Variants in RPL10A observed in about 807,000 individuals in gnomAD.
The protein encoded by RPL10A is large ribosomal subunit protein uL1.
Under a neutral mutation model 24.6 loss-of-function variants are expected in RPL10A, and 11 were observed. The observed-to-expected ratio is 0.45, with a 90% CI of 0.28 to 0.74. RPL10A has a LOEUF of 0.74. Among genes scored for constraint, RPL10A ranks in the 30% least tolerant of loss-of-function variants. The pLI is 0.13. For missense variants in RPL10A, 136 were observed against 273.1 expected, an observed-to-expected ratio of 0.50 and a Z score of 3.54; for synonymous variants, 98 against 108.5, an observed-to-expected ratio of 0.90 and a Z score of 0.60.
At position 35,470,508 on chromosome 6, in the gene RPL10A, C is replaced by T; in HGVS notation, c.484-72C>T. 1.3e-6 allele frequency: 2 copies of T among 1,530,098 alleles called. No individual in the cohort carries two copies. The highest frequency in any genetic ancestry group is 1.8e-6 in the Non-Finnish European group (2 of 1,116,656). 94.8% of individuals were successfully genotyped at this position (1,530,098 alleles called of 1,614,324 possible). On this transcript the variant is annotated intron_variant, in intron 5 of 5. Coordinates refer to ENST00000322203, the MANE Select transcript of RPL10A (RefSeq NM_007104.5). The surrounding 1 kb of genome is among the most constrained non-coding windows in gnomAD (Gnocchi z 4.6). ...GTCCAAGTACCTGCTCACCAGGCCA[C>T]TGGGGGAGGAAGGACAGGCCATCTG...
At chr6:35,469,935 C>G (rs890312255) in intron 4 of RPL10A, among the ~76,000 whole-genome samples, 1 of 152,084 alleles carries the variant, frequency 6.6e-6, no homozygotes, top group Non-Finnish European at 1.5e-5. Flanking sequence ...CGTTGTACAG[C>G]GGTTATGCCA....
chr6:35,469,145 C>T (rs11553984), intron 3 of RPL10A, 118 bp downstream of exon 3: 36,728 of 1,502,398 alleles, frequency 0.024, 592 homozygotes, highest in South Asian at 0.049. Context: ...GTAGTTCAGA[C>T]CCCCTGCTCC....
At chr6:35,469,708 A>G (rs1767985248) in intron 4 of RPL10A, among the ~76,000 whole-genome samples, 179 bp downstream of exon 4, 2 of 152,138 alleles carry the variant, frequency 1.3e-5, no homozygotes, top group African/African-American at 2.4e-5. Flanking sequence ...TTGTATTGCT[A>G]TGAGGATTCC....
At chr6:35,469,587 CT>C in intron 4 of RPL10A, 58 bp downstream of exon 4, 1 of 1,547,150 alleles carries the variant, frequency 6.5e-7, no homozygotes, top group Admixed American at 2.1e-5. Flanking sequence ...GGTAGAAAGG[CT>C]TTTCTGCCAT....
At position 35,470,124 on chromosome 6, in the gene RPL10A, G is replaced by A. The variant is rs1767996843; in HGVS notation, c.311-55G>A. 1.9e-6 allele frequency: 3 copies of A among 1,542,618 alleles called. No homozygotes were observed. Among genetic ancestry groups the A allele is most frequent in the Admixed American group, 1.8e-5 (1 of 56,414 alleles). On this transcript the variant is annotated intron_variant, in intron 4 of 5. Coordinates refer to ENST00000322203, the MANE Select transcript of RPL10A (RefSeq NM_007104.5). The surrounding 1 kb of genome is among the most constrained non-coding windows in gnomAD (Gnocchi z 4.6). ...GCGTTTCTGGCCTGCCACATTTGAG[G>A]TGTGCCTTGGTGACCAGGTTCTAAG... is the stretch of plus-strand genomic sequence containing the variant.
Position 35,469,532 on chromosome 6 carries a change from GA to G in RPL10A, c.310+4del. ...TAAAAAACTGGTCAAGAAGCTGGGT[GA>G]GTCCGGCCGCTGTGGTTTTGCATGT... On this transcript the variant is annotated splice_donor_region_variant and intron_variant, in intron 4 of 5. Transcript: ENST00000322203. 6.2e-7 allele frequency: 1 copy of G among 1,612,152 alleles called. No individual in the cohort carries two copies. The highest frequency in any genetic ancestry group is 8.5e-7 in the Non-Finnish European group (1 of 1,179,256).
In RPL10A at chr6:35,470,600, T is replaced by A; in HGVS notation, c.504T>A (p.Ala168=). The A allele has an allele frequency of 6.2e-7, 1 of 1,613,972 alleles. No individual in the cohort carries two copies. Among genetic ancestry groups the A allele is most frequent in the Non-Finnish European group, 8.5e-7 (1 of 1,179,858 alleles). The change falls in exon 6 of 6, where the codon GCT becomes GCA. Residue 168 remains alanine, a synonymous_variant. Transcript: ENST00000322203. The surrounding 1 kb of genome is among the most constrained non-coding windows in gnomAD (Gnocchi z 4.6). ...CCCAGGTGTTATGTCTGGCTGTAGC[T>A]GTTGGTCACGTGAAGATGACAGACG... is the stretch of plus-strand genomic sequence containing the variant. The part of the protein sequence containing the change: ...QMKKVLCLAV[A]VGHVKMTDDE...
At position 35,469,028 on chromosome 6, in the gene RPL10A, G is replaced by A; in HGVS notation, c.161+1G>A. 1 of 1,611,994 alleles carries A rather than the reference G, an allele frequency of 6.2e-7. No homozygotes were observed. The highest frequency in any genetic ancestry group is 8.5e-7 in the Non-Finnish European group (1 of 1,179,908). Reference sequence around the variant, plus strand: ...ACAAGCGCTTCTCGGGCACCGTCAGGTTGGCACCGTTCTGATCCCACCCAG... The same window carrying A: ...ACAAGCGCTTCTCGGGCACCGTCAGATTGGCACCGTTCTGATCCCACCCAG... On this transcript the variant is annotated splice_donor_variant, in intron 3 of 5. Coordinates refer to ENST00000322203, the MANE Select transcript of RPL10A (RefSeq NM_007104.5). LOFTEE classifies it high-confidence loss of function.
At position 35,470,673 on chromosome 6, in the gene RPL10A, T is replaced by C. The variant is rs779908357; in HGVS notation, c.577T>C (p.Leu193=). 60 of 1,612,514 alleles carry C rather than the reference T, an allele frequency of 3.7e-5. No individual in the cohort carries two copies. Among genetic ancestry groups the C allele is most frequent in the Non-Finnish European group, 4.8e-5 (57 of 1,179,966 alleles). ...CCTGGCTGTCAACTTCTTGGTGTCA[T>C]TGCTCAAGAAAAACTGGCAGAATGT... The part of the protein sequence containing the change: ...IHLAVNFLVS[L]LKKNWQNVRA... The change falls in exon 6 of 6, where the codon TTG becomes CTG. Residue 193 remains leucine (L), a synonymous_variant. Coordinates refer to ENST00000322203, the MANE Select transcript of RPL10A (RefSeq NM_007104.5). This position sits in a 1 kb window ranked among gnomAD's most constrained non-coding sequence, Gnocchi z 4.6.
Position 35,470,622 on chromosome 6 carries a change from G to C in RPL10A, c.526G>C (p.Asp176His). ...AVAVGHVKMT[D>H]DELVYNIHLA... ...AGCTGTTGGTCACGTGAAGATGACA[G>C]ACGATGAGCTTGTGTATAACATTCA... The change falls in exon 6 of 6, where the codon GAC (aspartate) becomes CAC (histidine). Residue 176 changes from aspartate (D) to histidine (H), a missense_variant. By Grantham distance (81) the Asp-to-His change is moderately conservative. Around this residue, in one of 3 missense-constraint regions of RPL10A, gnomAD observed 48 missense variants for 105.9 expected, o/e 0.45. Transcript: ENST00000322203. The surrounding 1 kb of genome is among the most constrained non-coding windows in gnomAD (Gnocchi z 4.6). 1 of 1,613,956 alleles carries C rather than the reference G, an allele frequency of 6.2e-7. No homozygotes were observed. Among genetic ancestry groups the C allele is most frequent in the Non-Finnish European group, 8.5e-7 (1 of 1,179,904 alleles).
At position 35,468,887 on chromosome 6, in the gene RPL10A, C is replaced by G; in HGVS notation, c.80+14C>G. The G allele has an allele frequency of 6.2e-7, 1 of 1,613,206 alleles. No individual in the cohort carries two copies. ...CAAGCGCCGCAAGTGAGTGCCGACC[C>G]TGGGGCACGGCGCGGGTGGCGAGGG... is the stretch of plus-strand genomic sequence containing the variant. On this transcript the variant is annotated intron_variant, in intron 2 of 5. Transcript: ENST00000322203.
chr6:35,470,159 T>A lies in RPL10A; in HGVS notation c.311-20T>A. ...GTGACCAGGTTCTAAGCAATGCCAA[T>A]GGCTTCCTCTCTCTATCAGCCAAGA... On this transcript the variant is annotated intron_variant, in intron 4 of 5. Transcript: ENST00000322203. This position sits in a 1 kb window ranked among gnomAD's most constrained non-coding sequence, Gnocchi z 4.6. 1 of 1,606,766 alleles carries A rather than the reference T, an allele frequency of 6.2e-7. No individual in the cohort carries two copies.
chr6:35,470,441 A>G lies in RPL10A; in HGVS notation c.483+90A>G, dbSNP rs1333621884. Reference sequence around the variant, plus strand: ...TCTAAATATGCCAGTAAGAGCACCCACCAGGATTGAAACTTTTGGAGTAAC... The same window carrying G: ...TCTAAATATGCCAGTAAGAGCACCCGCCAGGATTGAAACTTTTGGAGTAAC... On this transcript the variant is annotated intron_variant, in intron 5 of 5. Transcript: ENST00000322203. This position sits in a 1 kb window ranked among gnomAD's most constrained non-coding sequence, Gnocchi z 4.6. 1 of 1,515,996 alleles carries G rather than the reference A, an allele frequency of 6.6e-7. No individual in the cohort carries two copies. Among genetic ancestry groups the G allele is most frequent in the East Asian group, 2.3e-5 (1 of 44,104 alleles). 93.9% of individuals were successfully genotyped at this position (1,515,996 alleles called of 1,614,324 possible).
At chr6:35,469,677 A>G (rs1015614717) in intron 4 of RPL10A, 148 bp downstream of exon 4, 11 of 932,176 alleles carry the variant, frequency 1.2e-5, no homozygotes, top group South Asian at 3.5e-5. Flanking sequence ...GTGCTGTTTT[A>G]GCTTTGGGGT....
Position 35,470,577 on chromosome 6 carries a change from C to T in RPL10A, c.484-3C>T, listed in dbSNP as rs1354176900. ...GACTTGATCCTCTCTTCCCTCCTCC[C>T]AGGTGTTATGTCTGGCTGTAGCTGT... On this transcript the variant is annotated splice_region_variant and splice_polypyrimidine_tract_variant and intron_variant, in intron 5 of 5. Coordinates refer to ENST00000322203, the MANE Select transcript of RPL10A (RefSeq NM_007104.5). The surrounding 1 kb of genome is among the most constrained non-coding windows in gnomAD (Gnocchi z 4.6). The T allele has an allele frequency of 2.5e-6, 4 of 1,608,582 alleles. No homozygotes were observed. Among genetic ancestry groups the T allele is most frequent in the Non-Finnish European group, 3.4e-6 (4 of 1,175,864 alleles).
In RPL10A at chr6:35,470,609, C is replaced by G. The variant is rs144096254; in HGVS notation, c.513C>G (p.His171Gln). ...TATGTCTGGCTGTAGCTGTTGGTCA[C>G]GTGAAGATGACAGACGATGAGCTTG... is the stretch of plus-strand genomic sequence containing the variant. ...KVLCLAVAVG[H>Q]VKMTDDELVY... Residue 171 changes from histidine to glutamine, a missense_variant, in exon 6 of 6, where the codon CAC becomes CAG. By Grantham distance (24) the His-to-Gln change is conservative (BLOSUM62 0). Coordinates refer to ENST00000322203, the MANE Select transcript of RPL10A (RefSeq NM_007104.5). This position sits in a 1 kb window ranked among gnomAD's most constrained non-coding sequence, Gnocchi z 4.6. 1.2e-6 allele frequency: 2 copies of G among 1,613,912 alleles called. No individual in the cohort carries two copies. Among genetic ancestry groups the G allele is most frequent in the Non-Finnish European group, 8.5e-7 (1 of 1,179,858 alleles).
At position 35,470,450 on chromosome 6, in the gene RPL10A, G is replaced by T; in HGVS notation, c.483+99G>T. ...GCCAGTAAGAGCACCCACCAGGATT[G>T]AAACTTTTGGAGTAACCCTGGTCTT... On this transcript the variant is annotated intron_variant, in intron 5 of 5. Coordinates refer to ENST00000322203, the MANE Select transcript of RPL10A (RefSeq NM_007104.5). The surrounding 1 kb of genome is among the most constrained non-coding windows in gnomAD (Gnocchi z 4.6). The T allele has an allele frequency of 6.6e-7, 1 of 1,504,538 alleles. No individual in the cohort carries two copies. Among genetic ancestry groups the T allele is most frequent in the Non-Finnish European group, 9.0e-7 (1 of 1,108,560 alleles). The allele number at this position is 1,504,538 out of a possible 1,614,324, so 93.2% of individuals were successfully genotyped here. A position where few individuals can be genotyped will look rare whatever the true frequency, so the allele number is the denominator to read the frequency against.
chr6:35,468,746 T>G (rs1038474578), intron 1 of RPL10A, 53 bp from the exon 2 acceptor site: 7 of 1,552,446 alleles, frequency 4.5e-6, no homozygotes, highest in African/African-American at 2.7e-5. Context: ...TTCCAGGCAG[T>G]CCGAGCGTGT....
chr6:35,469,630 T>G, intron 4 of RPL10A, 101 bp downstream of exon 4: 1 of 1,344,484 alleles, frequency 7.4e-7, no homozygotes, highest in South Asian at 1.5e-5. Flanking sequence ...GGGCCTAGAA[T>G]AGCAAAGGAT....
Sources: gnomAD v4.1 joint callset for allele counts (sites outside exome capture counted in the v4.1 genomes callset) on GRCh38, gnomAD v4.1.1 for gene constraint, gnomAD v4.1.1 regional missense constraint, Gnocchi (gnomAD v3.1) non-coding constraint, MANE v1.5 for transcripts, NCBI Gene and HGNC (gene_info 2026-07-23, HGNC 2026-07-21) for gene names.